The following LRRC53 variants were observed in gnomAD, a reference collection of about 807,000 sequenced individuals.
LRRC53 encodes the protein leucine-rich repeat-containing protein 53.
A neutral mutation model predicts 13.6 loss-of-function variants in LRRC53; 25 were observed. The observed-to-expected ratio is 1.83, with a 90% confidence interval of 1.34 to 2.56. The LOEUF (loss-of-function observed/expected upper bound fraction) is 2.56, where lower values mean the gene tolerates loss of function less well. LRRC53 is among the 30% of genes most tolerant of loss of function. The pLI is 0.00. For synonymous variants in LRRC53, 204 were observed against 109.8 expected, an observed-to-expected ratio of 1.86 and a Z score of -5.37; for missense variants, 527 against 275.8, an observed-to-expected ratio of 1.91 and a Z score of -6.45.
intron 1 of LRRC53, among the ~76,000 whole-genome samples, chr1:74,496,223 G>A (rs1376712356): frequency 6.6e-6 from 1 of 152,092 alleles, no homozygotes; most frequent in African/African-American, 2.4e-5. Flanking sequence ...TGTAAGAAGG[G>A]GATGCAGCTA....
chr1:74,536,662 A>G, the LRRC53 span, among the ~76,000 whole-genome samples: 1 of 152,158 alleles, frequency 6.6e-6, no homozygotes, highest in Admixed American at 6.6e-5. Flanking sequence ...TTCATTTTAC[A>G]TCCACAAAAT....
At chr1:74,474,027 T>C (rs2100744204) in intron 4 of LRRC53, among the ~76,000 whole-genome samples, 1 of 152,286 alleles carries the variant, frequency 6.6e-6, no homozygotes, top group East Asian at 1.9e-4. Flanking sequence ...TCTCTAGTTC[T>C]GGTACAATGC....
chr1:74,500,261 G>A (rs1669541641), intron 1 of LRRC53, among the ~76,000 whole-genome samples: 1 of 151,830 alleles, frequency 6.6e-6, no homozygotes, highest in Admixed American at 6.6e-5. Flanking sequence ...CTTACCTCAT[G>A]TTTAATGTTT....
chr1:74,490,050 TAAAAAAAAAA>T (rs36063099), intron 1 of LRRC53, among the ~76,000 whole-genome samples: 2 of 42,892 alleles, frequency 4.7e-5, no homozygotes, highest in East Asian at 7.6e-4. Flanking sequence ...TTTTTTTTTC[TAAAAAAAAAA>T]AAAAAAAAAA....
intron 3 of LRRC53, among the ~76,000 whole-genome samples, chr1:74,479,586 G>A (rs1179828679): frequency 1.3e-5 from 2 of 152,228 alleles, no homozygotes; most frequent in Non-Finnish European, 1.5e-5. Flanking sequence ...TCCAACTACA[G>A]AGCTCATTTA....
Position 74,480,393 on chromosome 1 carries a change from G to T in LRRC53, c.664C>A (p.Leu222Ile). 1 of 717,582 alleles carries T rather than the reference G, an allele frequency of 1.4e-6. No individual in the cohort carries two copies. Among genetic ancestry groups the T allele is most frequent in the Non-Finnish European group, 2.6e-6 (1 of 385,126 alleles). The allele number at this position is 717,582 out of a possible 1,614,324, so 44.5% of individuals were successfully genotyped here. The change falls in exon 3 of 5, where the codon CTC becomes ATC. Residue 222 changes from leucine (L) to isoleucine (I), a missense_variant. Leu to Ile is a conservative substitution (Grantham distance 5). Coordinates refer to ENST00000294635, the MANE Select transcript of LRRC53 (RefSeq NM_001382280.1). ...CTTAAAAACCGAGCAAGGGGATGGA[G>T]ATCACAAGTGCAGCTCCACTGGTTC... ...DKNQWSCTCD[L>I]HPLARFLRNY...
At chr1:74,475,193 T>G in intron 4 of LRRC53, 102 bp downstream of exon 4, 1 of 575,266 alleles carries the variant, frequency 1.7e-6, no homozygotes, top group Non-Finnish European at 3.1e-6. Flanking sequence ...AGTGCTATAG[T>G]GATTTTTATA....
upstream of LRRC53, among the ~76,000 whole-genome samples, chr1:74,517,218 T>A (rs1205391796): frequency 6.6e-6 from 1 of 152,170 alleles, no homozygotes; most frequent in African/African-American, 2.4e-5. Flanking sequence ...ATAACATTAA[T>A]CCAATTTTAC....
chr1:74,519,379 C>G, the LRRC53 span, among the ~76,000 whole-genome samples: 14 of 119,228 alleles, frequency 1.2e-4, no homozygotes, highest in South Asian at 5.9e-4. Context: ...ATGATTTATA[C>G]TCATTTGGGT....
upstream of LRRC53, among the ~76,000 whole-genome samples, chr1:74,517,408 T>C (rs1255268176): frequency 1.3e-5 from 2 of 152,198 alleles, no homozygotes; most frequent in African/African-American, 2.4e-5. Flanking sequence ...GATTCATATG[T>C]CAAACCTTCA....
chr1:74,488,802 TAGC>T (rs972268831), intron 1 of LRRC53, among the ~76,000 whole-genome samples: 1 of 152,216 alleles, frequency 6.6e-6, no homozygotes, highest in African/African-American at 2.4e-5. Flanking sequence ...AATCTAGCCT[TAGC>T]AGTTCTTTTT....
intron 1 of LRRC53, chr1:74,492,232 C>G (rs1188402633): frequency 1.2e-6 from 2 of 1,611,498 alleles, no homozygotes; most frequent in East Asian, 2.2e-5. Context: ...GGAATATGCT[C>G]TAAATGCAAG....
chr1:74,523,428 G>A, the LRRC53 span, among the ~76,000 whole-genome samples: 1 of 145,836 alleles, frequency 6.9e-6, no homozygotes, highest in Non-Finnish European at 1.5e-5. Context: ...CTTGGCTGAT[G>A]TATAAGATTT....
intron 1 of LRRC53, among the ~76,000 whole-genome samples, chr1:74,504,406 CTT>C (rs1669785143): frequency 6.6e-6 from 1 of 152,148 alleles, no homozygotes; most frequent in Admixed American, 6.5e-5. Flanking sequence ...GGCTTGGAGA[CTT>C]CACGCCGAAC....
At chr1:74,522,004 A>G in the LRRC53 span, among the ~76,000 whole-genome samples, 998 of 152,276 alleles carry the variant, frequency 6.6e-3, 4 homozygotes, top group Non-Finnish European at 0.01. Flanking sequence ...AAAAATTCAG[A>G]TGAGGGAGAT....
intron 1 of LRRC53, among the ~76,000 whole-genome samples, chr1:74,487,436 T>A (rs912522895): frequency 6.6e-6 from 1 of 152,142 alleles, no homozygotes; most frequent in African/African-American, 2.4e-5. Context: ...TGTAATAGGC[T>A]CTCTGAATAG....
At chr1:74,499,265 C>T (rs1669487452) in intron 1 of LRRC53, among the ~76,000 whole-genome samples, 1 of 152,178 alleles carries the variant, frequency 6.6e-6, no homozygotes, top group Admixed American at 6.5e-5. Flanking sequence ...CCTGAGCCTC[C>T]TGAGTAGCTG....
chr1:74,471,008 C>T lies in LRRC53; in HGVS notation c.2614G>A (p.Val872Met). Residue 872 changes from valine (V) to methionine (M), a missense_variant, in exon 5 of 5, where the codon GTG becomes ATG. Physicochemically the swap from Val to Met is conservative, Grantham distance 21 (BLOSUM62 1). Transcript: ENST00000294635. ...MEDATQLESK[V>M]LSYLATTWEN... ...CAAGTAGTTGCTAAATAACTAAGCA[C>T]TTTTGATTCAAGCTGAGTTGCATCT... 3 of 400,672 alleles carry T rather than the reference C, an allele frequency of 7.5e-6. No individual in the cohort carries two copies. The highest frequency in any genetic ancestry group is 1.3e-5 in the Non-Finnish European group (3 of 226,184). 24.8% of individuals were successfully genotyped at this position (400,672 alleles called of 1,614,324 possible).
At chr1:74,472,349 A>G in intron 4 of LRRC53, 148 bp from the exon 5 acceptor site, 1 of 591,592 alleles carries the variant, frequency 1.7e-6, no homozygotes, top group Non-Finnish European at 3.0e-6. Flanking sequence ...AACCAAACCT[A>G]CAAAGGACAT....
Sources: allele counts gnomAD v4.1 joint callset (sites outside exome capture counted in the v4.1 genomes callset), GRCh38; gene constraint gnomAD v4.1.1; transcripts MANE v1.5; gene names NCBI Gene and HGNC (gene_info 2026-07-23, HGNC 2026-07-21).